Variants in MAD1L1 observed in about 807,000 individuals in gnomAD.
MAD1L1 encodes mitotic spindle assembly checkpoint protein MAD1.
MAD1L1 carries 95 observed loss-of-function variants against 96.9 expected under a neutral mutation model. The ratio of observed to expected loss-of-function variants is 0.98; its 90% CI spans 0.83 to 1.16. The LOEUF is 1.16. MAD1L1 is among the 50% of genes most tolerant of loss of function. MAD1L1 has a pLI of 0.00. For synonymous variants in MAD1L1, 473 were observed against 396.6 expected (o/e 1.19, Z -2.29); for missense variants, 1,007 against 954.4 (o/e 1.06, Z -0.73).
chr7:2,042,270 CACACACACGCGCACATGG>C (rs986093867), intron 12 of MAD1L1, among the ~76,000 whole-genome samples: 9 of 148,954 alleles, frequency 6.0e-5, no homozygotes, highest in Non-Finnish European at 8.8e-5. Flanking sequence ...TACGCACATG[CACACACACGCGCACATGG>C]ACACAGACAC....
intron 12 of MAD1L1, among the ~76,000 whole-genome samples, chr7:2,034,337 C>T (rs1783367745): frequency 6.6e-6 from 1 of 151,944 alleles, no homozygotes; most frequent in African/African-American, 2.4e-5. Flanking sequence ...CTGCCTCAGC[C>T]TCCTGAGTAG....
intron 18 of MAD1L1, among the ~76,000 whole-genome samples, chr7:1,859,748 G>T (rs191079910): frequency 5.3e-4 from 80 of 151,900 alleles, no homozygotes; most frequent in African/African-American, 1.8e-3. Context: ...CCTGCAGGGC[G>T]GCCTCTGTTC....
At chr7:1,852,927 T>C (rs942695656) in intron 18 of MAD1L1, among the ~76,000 whole-genome samples, 1 of 152,162 alleles carries the variant, frequency 6.6e-6, no homozygotes, top group African/African-American at 2.4e-5. Flanking sequence ...GTCTGCATCA[T>C]TTATCCGGGC....
chr7:1,937,279 C>T (rs1204591632), intron 16 of MAD1L1, among the ~76,000 whole-genome samples: 1 of 152,126 alleles, frequency 6.6e-6, no homozygotes, highest in Non-Finnish European at 1.5e-5. Flanking sequence ...AGACTGGGAG[C>T]CCGTGTGGCC....
chr7:1,886,791 G>T (rs935746639), intron 18 of MAD1L1, among the ~76,000 whole-genome samples: 3 of 152,282 alleles, frequency 2.0e-5, no homozygotes, highest in Non-Finnish European at 4.4e-5. Flanking sequence ...GAGACCTGCT[G>T]CAGGGCTGGG....
chr7:1,978,207 G>A (rs549614011), intron 15 of MAD1L1, among the ~76,000 whole-genome samples: 9 of 152,320 alleles, frequency 5.9e-5, no homozygotes, highest in Admixed American at 2.0e-4. Context: ...CTTGGCCTTG[G>A]TGAGCTCCTG....
intron 13 of MAD1L1, among the ~76,000 whole-genome samples, chr7:2,008,813 G>A (rs1304594469): frequency 9.0e-6 from 1 of 110,548 alleles, no homozygotes; most frequent in Admixed American, 8.9e-5. Flanking sequence ...AGCCTCAGAC[G>A]CAGACACGCA....
rs187855325 is a variant in MAD1L1 at position 1,898,746 on chromosome 7, A to G, written c.1808-356T>C. ...AGCACAGTCACTGCCAGGAAGCCACAGGGTCAGGAAGCCACAGGGTCAGGC... is the reference window on the plus strand; with the variant it reads ...AGCACAGTCACTGCCAGGAAGCCACGGGGTCAGGAAGCCACAGGGTCAGGC... On this transcript the variant is annotated intron_variant, in intron 17 of 18. Coordinates refer to ENST00000265854, the MANE Select transcript of MAD1L1 (RefSeq NM_001013836.2). 4.0e-3 allele frequency among the ~76,000 whole-genome samples: 615 copies of G among 152,284 alleles called. 2 individuals carry two copies. The highest frequency in any genetic ancestry group is 6.9e-3 in the Non-Finnish European group (472 of 67,996).
chr7:2,016,329 C>T (rs1263439977), intron 12 of MAD1L1, among the ~76,000 whole-genome samples: 1 of 152,202 alleles, frequency 6.6e-6, no homozygotes, highest in African/African-American at 2.4e-5. Flanking sequence ...GTGGGGACCG[C>T]CCCCACCAGT....
rs3800909 is a variant in MAD1L1 at position 2,119,959 on chromosome 7, C to A, written c.1073+29193G>T. 5.3e-5 allele frequency among the ~76,000 whole-genome samples: 8 copies of A among 151,940 alleles called. No homozygotes were observed. The highest frequency in any genetic ancestry group is 1.2e-4 in the Non-Finnish European group (8 of 67,922). ...TCCTCCTCACTCCACCTCCTCCCAG[C>A]ATGCGCCCAAGGCATCCCTAGCAAT... On this transcript the variant is annotated intron_variant, in intron 11 of 18. Coordinates refer to ENST00000265854, the MANE Select transcript of MAD1L1 (RefSeq NM_001013836.2). This position sits in a 1 kb window ranked among gnomAD's most constrained non-coding sequence, Gnocchi z 4.6.
At chr7:2,021,362 C>T (rs1782780195) in intron 12 of MAD1L1, among the ~76,000 whole-genome samples, 1 of 152,146 alleles carries the variant, frequency 6.6e-6, no homozygotes, top group African/African-American at 2.4e-5. Context: ...CTGACCGAAG[C>T]CACTCAGGCA....
intron 18 of MAD1L1, among the ~76,000 whole-genome samples, chr7:1,885,605 G>T (rs547109055): frequency 6.6e-6 from 1 of 152,150 alleles, no homozygotes; most frequent in Non-Finnish European, 1.5e-5. Flanking sequence ...TGCAGGGTAC[G>T]GGCTCCCAAA....
chr7:1,874,206 G>A (rs1036593156), intron 18 of MAD1L1, among the ~76,000 whole-genome samples: 11 of 152,292 alleles, frequency 7.2e-5, no homozygotes, highest in Admixed American at 2.6e-4. Flanking sequence ...AGGCCGTCTC[G>A]GTGCACGGCT....
At chr7:1,856,695 T>C (rs4262234) in intron 18 of MAD1L1, among the ~76,000 whole-genome samples, 149,478 of 152,262 alleles carry the variant, frequency 0.98, 73,371 homozygotes, top group East Asian at 1. Flanking sequence ...GAAGATGGCA[T>C]AGCCCCGCCG....
intron 9 of MAD1L1, among the ~76,000 whole-genome samples, chr7:2,214,038 T>C (rs1319112232): frequency 2.0e-5 from 3 of 152,236 alleles, no homozygotes; most frequent in Non-Finnish European, 4.4e-5. Flanking sequence ...CGCACTTGAC[T>C]AGTAACTATA....
At chr7:1,912,012 G>A (rs1240056733) in intron 17 of MAD1L1, among the ~76,000 whole-genome samples, 1 of 152,258 alleles carries the variant, frequency 6.6e-6, no homozygotes, top group African/African-American at 2.4e-5. Flanking sequence ...CATCCCCTCA[G>A]ACACTTGTCG....
intron 11 of MAD1L1, among the ~76,000 whole-genome samples, chr7:2,129,324 G>C (rs1788395914): frequency 6.6e-6 from 1 of 152,262 alleles, no homozygotes; most frequent in African/African-American, 2.4e-5. Flanking sequence ...GTGGACATCT[G>C]AATGTGCTGT....
intron 10 of MAD1L1, among the ~76,000 whole-genome samples, chr7:2,194,593 C>G (rs541300650): frequency 1.3e-5 from 2 of 152,260 alleles, no homozygotes; most frequent in Admixed American, 1.3e-4. Context: ...TAACAGAGAC[C>G]TTATGGCCCC....
intron 18 of MAD1L1, among the ~76,000 whole-genome samples, chr7:1,843,619 C>G (rs374164187): frequency 1.3e-5 from 2 of 152,230 alleles, no homozygotes; most frequent in African/African-American, 4.8e-5. Flanking sequence ...AAAGTGCGTG[C>G]TTCCTCCTGG....
Sources: gnomAD v4.1 joint callset for allele counts (sites outside exome capture counted in the v4.1 genomes callset) on GRCh38, gnomAD v4.1.1 for gene constraint, Gnocchi (gnomAD v3.1) non-coding constraint, MANE v1.5 for transcripts, NCBI Gene and HGNC (gene_info 2026-07-23, HGNC 2026-07-21) for gene names.